Variants in PCDHGC4 observed in about 807,000 individuals in gnomAD.
PCDHGC4 encodes protocadherin gamma-C4.
In PCDHGC4, 15 loss-of-function variants were observed where a neutral mutation model predicts 59.7. The observed-to-expected ratio is 0.25, with a 90% CI of 0.17 to 0.39. The LOEUF (loss-of-function observed/expected upper bound fraction) is 0.39. Among genes scored for constraint, PCDHGC4 ranks in the 10% least tolerant of loss-of-function variants. The pLI is 1.00. For missense variants in PCDHGC4, 1,016 were observed against 1,189.5 expected (o/e 0.85, Z 2.15); for synonymous variants, 434 against 481.4 (o/e 0.90, Z 1.29).
Position 141,485,660 on chromosome 5 carries a change from G to A in PCDHGC4, c.487G>A (p.Gly163Arg). The change falls in exon 1 of 4, where the codon GGG (glycine) becomes AGG (arginine). Residue 163 changes from glycine (G) to arginine (R), a missense_variant. Physicochemically the swap from Gly to Arg is moderately radical, Grantham distance 125 (BLOSUM62 -2). Transcript: ENST00000306593. The surrounding 1 kb of genome is among the most constrained non-coding windows in gnomAD (Gnocchi z 5.7). ...GGAAAAGGCTCAGGATGCAGATGTG[G>A]GGAGCAATTCGATTAGCAGCTATAG... is the stretch of plus-strand genomic sequence containing the variant. ...PLEKAQDADV[G>R]SNSISSYRLS... 1 of 1,612,716 alleles carries A rather than the reference G, an allele frequency of 6.2e-7. No individual in the cohort carries two copies. Among genetic ancestry groups the A allele is most frequent in the Non-Finnish European group, 8.5e-7 (1 of 1,178,898 alleles).
chr5:141,485,814 CT>C lies in PCDHGC4; in HGVS notation c.642del (p.Val215SerfsTer21), dbSNP rs2099619658. On this transcript the variant is annotated frameshift_variant, in exon 1 of 4. Transcript: ENST00000306593. LOFTEE classifies it high-confidence loss of function. The surrounding 1 kb of genome is among the most constrained non-coding windows in gnomAD (Gnocchi z 5.7). ...TCGGACTACCGCCTGGTGCTGACTGCTGTCGATGGAGGGAACCCGCCGAGAT... is the reference window on the plus strand; with the variant it reads ...TCGGACTACCGCCTGGTGCTGACTGCGTCGATGGAGGGAACCCGCCGAGAT... ...KQSDYRLVLTAVDGGNPPRSG... is the reference protein window; with the variant it reads ...KQSDYRLVLTXVDGGNPPRSG... The C allele has an allele frequency of 6.2e-7, 1 of 1,613,864 alleles. No individual in the cohort carries two copies. Among genetic ancestry groups the C allele is most frequent in the Non-Finnish European group, 8.5e-7 (1 of 1,179,990 alleles).
Position 141,491,504 on chromosome 5 carries a change from G to T in PCDHGC4, c.2443-3303G>T. 6.2e-7 allele frequency: 1 copy of T among 1,614,048 alleles called. No homozygotes were observed. The highest frequency in any genetic ancestry group is 2.2e-5 in the East Asian group (1 of 44,876). Reference sequence around the variant, plus strand: ...CCCAACCTGCAGGTGAGCTCGGACGGCACGCTCAAGTACATGGAGGTGACG... The same window carrying T: ...CCCAACCTGCAGGTGAGCTCGGACGTCACGCTCAAGTACATGGAGGTGACG... On this transcript the variant is annotated intron_variant, in intron 1 of 3. Transcript: ENST00000306593. The surrounding 1 kb of genome is among the most constrained non-coding windows in gnomAD (Gnocchi z 6.9).
At position 141,487,610 on chromosome 5, in the gene PCDHGC4, C is replaced by A; in HGVS notation, c.2437C>A (p.Leu813Ile). Residue 813 changes from leucine to isoleucine, a missense_variant, in exon 1 of 4, where the codon CTA becomes ATA. Leu to Ile is a conservative substitution (Grantham distance 5). Transcript: ENST00000306593. The surrounding 1 kb of genome is among the most constrained non-coding windows in gnomAD (Gnocchi z 5.0). ...CCCACCCTCTGATCTTCTCTATGGG[C>A]TAGAGGTGAGACCTTTGCAGGCTCA... The part of the protein sequence containing the change: ...SCPPSDLLYG[L>I]EQAPPNTDWR... The A allele has an allele frequency of 6.2e-7, 1 of 1,614,190 alleles. No homozygotes were observed. The highest frequency in any genetic ancestry group is 1.1e-5 in the South Asian group (1 of 91,078).
At position 141,486,671 on chromosome 5, in the gene PCDHGC4, C is replaced by G. The variant is rs1307620045; in HGVS notation, c.1498C>G (p.Arg500Gly). 24 of 1,613,926 alleles carry G rather than the reference C, an allele frequency of 1.5e-5. No homozygotes were observed. The highest frequency in any genetic ancestry group is 2.7e-5 in the African/African-American group (2 of 74,932). Reference sequence around the variant, plus strand: ...CTACTCACTCCTGGAGCCCAGGAATCGAGATGTATCAGCTTCCTCTTTCAT... The same window carrying G: ...CTACTCACTCCTGGAGCCCAGGAATGGAGATGTATCAGCTTCCTCTTTCAT... ...ISYSLLEPRN[R>G]DVSASSFISL... The change falls in exon 1 of 4, where the codon CGA becomes GGA. Residue 500 changes from arginine (R) to glycine (G), a missense_variant. Arg to Gly is a moderately radical substitution (Grantham distance 125, BLOSUM62 -2). Transcript: ENST00000306593. The surrounding 1 kb of genome is among the most constrained non-coding windows in gnomAD (Gnocchi z 5.0).
In PCDHGC4 at chr5:141,494,860, C is replaced by T. The variant is rs372794752; in HGVS notation, c.2496C>T (p.Thr832=). Residue 832 remains threonine, a synonymous_variant, in exon 2 of 4, where the codon ACC becomes ACT. Coordinates refer to ENST00000306593, the MANE Select transcript of PCDHGC4 (RefSeq NM_018928.3). ...TCTCTCAGGCCCAGAGACCCGGCAC[C>T]AGCGGGTAGGTGACTGATTCTCCAG... ...WRFSQAQRPG[T]SGSQNGDDTG... 5.6e-6 allele frequency: 9 copies of T among 1,614,032 alleles called. No homozygotes were observed. Among genetic ancestry groups the T allele is most frequent in the Non-Finnish European group, 7.6e-6 (9 of 1,180,024 alleles).
In PCDHGC4 at chr5:141,493,811, A is replaced by T. The variant is rs956872917; in HGVS notation, c.2443-996A>T. Reference sequence around the variant, plus strand: ...CTCCCTGGAGTAATCTGAGATACTCACACTCTCTGCTTCTGGGAGCAAGTA... The same window carrying T: ...CTCCCTGGAGTAATCTGAGATACTCTCACTCTCTGCTTCTGGGAGCAAGTA... On this transcript the variant is annotated intron_variant, in intron 1 of 3. Transcript: ENST00000306593. The surrounding 1 kb of genome is among the most constrained non-coding windows in gnomAD (Gnocchi z 4.3). Among the ~76,000 whole-genome samples the T allele has an allele frequency of 1.3e-5, 2 of 152,154 alleles. No homozygotes were observed. The highest frequency in any genetic ancestry group is 2.9e-5 in the Non-Finnish European group (2 of 68,036).
intron 3 of PCDHGC4, among the ~76,000 whole-genome samples, chr5:141,506,202 G>A (rs911181875): frequency 6.6e-6 from 1 of 152,184 alleles, no homozygotes; most frequent in Non-Finnish European, 1.5e-5. Context: ...TGTAATCCCA[G>A]CACTTTGGGA....
intron 2 of PCDHGC4, among the ~76,000 whole-genome samples, chr5:141,498,091 C>G (rs2099781521): frequency 6.6e-6 from 1 of 152,156 alleles, no homozygotes; most frequent in African/African-American, 2.4e-5. Context: ...AGAATTGTAT[C>G]TGGTGGTGTG....
rs139608956 is a variant in PCDHGC4, at chr5:141,510,637, A to G, written c.2591-310A>G. Among the ~76,000 whole-genome samples, 4 of 152,242 alleles carry G rather than the reference A, an allele frequency of 2.6e-5. No individual in the cohort carries two copies. The East Asian group carries it at 7.7e-4, about 29-fold the overall frequency. ...ACTAAAACCAGAAGAGGTGGTTACC[A>G]TTATCATCCCCATTTTGCAGATGAG... On this transcript the variant is annotated intron_variant, in intron 3 of 3. Transcript: ENST00000306593.
intron 2 of PCDHGC4, among the ~76,000 whole-genome samples, chr5:141,500,695 T>G (rs1214079801): frequency 1.3e-5 from 2 of 152,214 alleles, no homozygotes; most frequent in Admixed American, 6.5e-5. Flanking sequence ...TTTTTCTTCT[T>G]TGCAGTGTAT....
In PCDHGC4 at chr5:141,487,259, T is replaced by A. The variant is rs2099641960; in HGVS notation, c.2086T>A (p.Ser696Thr). 1.9e-6 allele frequency: 3 copies of A among 1,614,014 alleles called. No individual in the cohort carries two copies. The highest frequency in any genetic ancestry group is 1.3e-5 in the African/African-American group (1 of 74,926). ...TCGTCTAACCCTCTACTTGGCTGTGTCCCTAGTGGCAATTTGCTTTGTCTC... is the reference window on the plus strand; with the variant it reads ...TCGTCTAACCCTCTACTTGGCTGTGACCCTAGTGGCAATTTGCTTTGTCTC... The part of the protein sequence containing the change: ...ESRLTLYLAV[S>T]LVAICFVSFG... The change falls in exon 1 of 4, where the codon TCC becomes ACC. Residue 696 changes from serine to threonine, a missense_variant. Coordinates refer to ENST00000306593, the MANE Select transcript of PCDHGC4 (RefSeq NM_018928.3). The surrounding 1 kb of genome is among the most constrained non-coding windows in gnomAD (Gnocchi z 5.0).
At chr5:141,502,404 C>A (rs1270930372) in intron 2 of PCDHGC4, among the ~76,000 whole-genome samples, 1 of 151,880 alleles carries the variant, frequency 6.6e-6, no homozygotes, top group Non-Finnish European at 1.5e-5. Flanking sequence ...TGTCCCCGAA[C>A]CTGGATTTGC....
At chr5:141,501,606 G>A (rs2099810134) in intron 2 of PCDHGC4, among the ~76,000 whole-genome samples, 1 of 152,012 alleles carries the variant, frequency 6.6e-6, no homozygotes, top group African/African-American at 2.4e-5. Flanking sequence ...AGTTCCAGCT[G>A]TGTGACTCTG....
At position 141,490,646 on chromosome 5, in the gene PCDHGC4, C is replaced by G. The variant is rs202183643; in HGVS notation, c.2442+3031C>G. The G allele has an allele frequency of 8.7e-6, 14 of 1,614,068 alleles. No homozygotes were observed. In the African/African-American group the frequency reaches 1.7e-4, roughly 20 times the overall value. ...GCTTACATCCTAGAAAACCGGCCTC[C>G]GGGCTCCCTTCTTTGCACTGTGGCT... On this transcript the variant is annotated intron_variant, in intron 1 of 3. Coordinates refer to ENST00000306593, the MANE Select transcript of PCDHGC4 (RefSeq NM_018928.3). This position sits in a 1 kb window ranked among gnomAD's most constrained non-coding sequence, Gnocchi z 5.4.
In PCDHGC4 at chr5:141,490,594, C is replaced by A. The variant is rs1276468877; in HGVS notation, c.2442+2979C>A. The A allele has an allele frequency of 2.5e-6, 4 of 1,614,056 alleles. No individual in the cohort carries two copies. The highest frequency in any genetic ancestry group is 1.6e-4 in the Middle Eastern group (1 of 6,084). On this transcript the variant is annotated intron_variant, in intron 1 of 3. Transcript: ENST00000306593. The surrounding 1 kb of genome is among the most constrained non-coding windows in gnomAD (Gnocchi z 5.4). ...CATTTCAGATGTCAATGACAATGCA[C>A]CCCGCTTCAACCAGCAGCTTTACAC...
In PCDHGC4 at chr5:141,489,483, T is replaced by C. The variant is rs2099687756; in HGVS notation, c.2442+1868T>C. ...GCTATTTTTCCCTGAGCTTGATGAGTGGTGCCCTGGCAGTGAATCAAAAGA... is the reference window on the plus strand; with the variant it reads ...GCTATTTTTCCCTGAGCTTGATGAGCGGTGCCCTGGCAGTGAATCAAAAGA... On this transcript the variant is annotated intron_variant, in intron 1 of 3. Coordinates refer to ENST00000306593, the MANE Select transcript of PCDHGC4 (RefSeq NM_018928.3). This position sits in a 1 kb window ranked among gnomAD's most constrained non-coding sequence, Gnocchi z 4.5. 1 of 1,613,862 alleles carries C rather than the reference T, an allele frequency of 6.2e-7. No individual in the cohort carries two copies. The highest frequency in any genetic ancestry group is 1.1e-5 in the South Asian group (1 of 91,078).
rs1437533706 is a variant in PCDHGC4, at chr5:141,511,419, G to C, written c.*246G>C. On this transcript the variant is annotated 3_prime_UTR_variant, in exon 4 of 4. Transcript: ENST00000306593. ...ATCCAATCAACTGCTGTACCCATGG[G>C]GGTAGTGGGGTTACTGTAGACACCA... The C allele has an allele frequency of 2.4e-6, 2 of 830,456 alleles. No individual in the cohort carries two copies. The highest frequency in any genetic ancestry group is 5.8e-5 in the East Asian group (2 of 34,260). 51.4% of individuals were successfully genotyped at this position (830,456 alleles called of 1,614,324 possible).
At chr5:141,510,795 G>A in intron 3 of PCDHGC4, 152 bp from the exon 4 acceptor site, 6 of 1,465,214 alleles carry the variant, frequency 4.1e-6, no homozygotes, top group Non-Finnish European at 5.5e-6. Context: ...CTTGTGAAGA[G>A]AGACTACCTT....
intron 2 of PCDHGC4, among the ~76,000 whole-genome samples, chr5:141,495,430 C>A (rs1189953474): frequency 6.6e-6 from 1 of 152,220 alleles, no homozygotes; most frequent in Non-Finnish European, 1.5e-5. Context: ...TCCCACTGTC[C>A]TCTGCCCCTA....
Sources: allele counts gnomAD v4.1 joint callset (sites outside exome capture counted in the v4.1 genomes callset), GRCh38; gene constraint gnomAD v4.1.1; non-coding constraint Gnocchi (gnomAD v3.1); transcripts MANE v1.5; gene names NCBI Gene and HGNC (gene_info 2026-07-23, HGNC 2026-07-21).